CTHRC1: variants seen among roughly 807,000 people sequenced by gnomAD.
CTHRC1 encodes collagen triple helix repeat containing 1, also known as collagen triple helix repeat-containing protein 1.
Under a neutral mutation model 25.9 loss-of-function variants are expected in CTHRC1, and 21 were observed. The ratio of observed to expected loss-of-function variants is 0.81; its 90% CI spans 0.57 to 1.17. The LOEUF (loss-of-function observed/expected upper bound fraction) is 1.17, where lower values mean the gene tolerates loss of function less well. Among genes scored for constraint, CTHRC1 ranks in the 50% most tolerant of loss-of-function variants. CTHRC1 has a pLI of 0.00. For synonymous variants in CTHRC1, 109 were observed against 113.1 expected (o/e 0.96, Z 0.23); for missense variants, 281 against 304.3 (o/e 0.92, Z 0.57).
rs1815839297 is a variant in CTHRC1 at position 103,378,014 on chromosome 8, A to G, written c.373-13A>G. 5 of 1,590,016 alleles carry G rather than the reference A, an allele frequency of 3.1e-6. No individual in the cohort carries two copies. The African/African-American group carries it at 4.0e-5, about 13-fold the overall frequency. ...AAAATGTTAATTAAATCCCATTTCTATGTTTGTGACAGGAGTGTACATTTA... is the reference window on the plus strand; with the variant it reads ...AAAATGTTAATTAAATCCCATTTCTGTGTTTGTGACAGGAGTGTACATTTA... On this transcript the variant is annotated splice_polypyrimidine_tract_variant and intron_variant, in intron 2 of 3. Transcript: ENST00000330295.
At chr8:103,378,313 A>G (rs1383657564) in intron 3 of CTHRC1, 70 bp downstream of exon 3, 5 of 1,269,222 alleles carry the variant, frequency 3.9e-6, no homozygotes, top group Non-Finnish European at 4.5e-6. Flanking sequence ...TCCCACTATC[A>G]TGTTGGTTCA....
intron 3 of CTHRC1, among the ~76,000 whole-genome samples, chr8:103,378,832 G>A (rs1218494609): frequency 6.6e-6 from 1 of 151,958 alleles, no homozygotes; most frequent in Non-Finnish European, 1.5e-5. Context: ...CTGGGCAAGA[G>A]GGCGAAACCC....
intron 3 of CTHRC1, among the ~76,000 whole-genome samples, chr8:103,381,874 T>G (rs1370862925): frequency 6.6e-6 from 1 of 152,012 alleles, no homozygotes; most frequent in Non-Finnish European, 1.5e-5. Context: ...GGCAGGTGCC[T>G]GTAGTCCCAG....
chr8:103,372,364 C>A, intron 1 of CTHRC1: 1 of 1,196,540 alleles, frequency 8.4e-7, no homozygotes, highest in South Asian at 1.7e-5. Context: ...CACGTTGGGT[C>A]ATCTTCCTAG....
At chr8:103,374,938 T>C (rs1815777957) in intron 1 of CTHRC1, among the ~76,000 whole-genome samples, 1 of 152,204 alleles carries the variant, frequency 6.6e-6, no homozygotes, top group African/African-American at 2.4e-5. Flanking sequence ...AATCCATGCA[T>C]TTAAATGCTA....
At chr8:103,372,734 G>T in intron 1 of CTHRC1, 1 of 1,227,590 alleles carries the variant, frequency 8.1e-7, no homozygotes, top group South Asian at 1.3e-5. Flanking sequence ...CTGGCCTGTG[G>T]TATGAGGGAG....
intron 3 of CTHRC1, among the ~76,000 whole-genome samples, chr8:103,379,284 C>T (rs1815863028): frequency 6.6e-6 from 1 of 152,158 alleles, no homozygotes; most frequent in South Asian, 2.1e-4. Context: ...GGGTCTTGCT[C>T]TGTTGCTCAG....
intron 1 of CTHRC1, among the ~76,000 whole-genome samples, chr8:103,375,125 C>G (rs775841029): frequency 6.6e-6 from 1 of 152,036 alleles, no homozygotes; most frequent in Non-Finnish European, 1.5e-5. Context: ...ACTGCTTCCC[C>G]CACTTAAAAA....
At chr8:103,377,930 G>A (rs573348995) in intron 2 of CTHRC1, 97 bp from the exon 3 acceptor site, 27 of 1,050,238 alleles carry the variant, frequency 2.6e-5, no homozygotes, top group Admixed American at 1.7e-4. Context: ...ATACATTTTG[G>A]GGAAAAGGAT....
At chr8:103,372,178 A>G (rs1218449434) in intron 1 of CTHRC1, among the ~76,000 whole-genome samples, 2 of 152,106 alleles carry the variant, frequency 1.3e-5, no homozygotes, top group Non-Finnish European at 2.9e-5. Flanking sequence ...GAGCTTGGGT[A>G]CGTCCGAAGT....
intron 2 of CTHRC1, among the ~76,000 whole-genome samples, chr8:103,376,217 G>A (rs534728834): frequency 1.3e-5 from 2 of 152,246 alleles, no homozygotes; most frequent in South Asian, 2.1e-4. Context: ...AAACAAAAGA[G>A]AGCATATGTG....
At chr8:103,376,060 T>G in intron 2 of CTHRC1, 101 bp downstream of exon 2, 3 of 909,144 alleles carry the variant, frequency 3.3e-6, no homozygotes, top group Non-Finnish European at 5.3e-6. Flanking sequence ...CTAAAAGACT[T>G]AAAAAAGAGA....
intron 1 of CTHRC1, 53 bp from the exon 2 acceptor site, chr8:103,375,685 T>C: frequency 2.1e-6 from 3 of 1,438,484 alleles, no homozygotes; most frequent in Non-Finnish European, 2.9e-6. Flanking sequence ...TCATACTGAG[T>C]CTTTGACTCT....
Position 103,382,795 on chromosome 8 carries a change from A to AT in CTHRC1, c.*203dup, listed in dbSNP as rs758451999. The AT allele has an allele frequency of 2.5e-5, 15 of 595,650 alleles. No homozygotes were observed. The highest frequency in any genetic ancestry group is 3.7e-5 in the African/African-American group (2 of 54,038). 36.9% of individuals were successfully genotyped at this position (595,650 alleles called of 1,614,324 possible). ...TGCTTCAATCAAAAGTGGTTTCAAT[A>AT]TTTTTTTTAGTTGGTTAGAATACTT... On this transcript the variant is annotated 3_prime_UTR_variant, in exon 4 of 4. Coordinates refer to ENST00000330295, the MANE Select transcript of CTHRC1 (RefSeq NM_138455.4).
intron 2 of CTHRC1, among the ~76,000 whole-genome samples, chr8:103,376,240 A>G (rs997860319): frequency 3.9e-5 from 6 of 152,236 alleles, no homozygotes; most frequent in African/African-American, 1.4e-4. Context: ...TGTGTTGGAC[A>G]GTAAGCAACT....
At position 103,379,952 on chromosome 8, in the gene CTHRC1, G is replaced by A. The variant is rs529763698; in HGVS notation, c.589+1709G>A. On this transcript the variant is annotated intron_variant, in intron 3 of 3. Transcript: ENST00000330295. ...CAGGGAAATACAGCGTCTTACACGG[G>A]ACAGTAGAATCAGCGTTCAGGAGAG... is the stretch of plus-strand genomic sequence containing the variant. Among the ~76,000 whole-genome samples, 3 of 152,296 alleles carry A rather than the reference G, an allele frequency of 2.0e-5. No individual in the cohort carries two copies. In the South Asian group the frequency reaches 6.2e-4, roughly 32 times the overall value.
At chr8:103,376,346 A>C (rs7845210) in intron 2 of CTHRC1, among the ~76,000 whole-genome samples, 41,284 of 152,032 alleles carry the variant, frequency 0.27, 6,596 homozygotes, top group African/African-American at 0.43. Flanking sequence ...AGAAATTACC[A>C]CATTGATCTG....
At chr8:103,375,307 TA>T (rs529342664) in intron 1 of CTHRC1, among the ~76,000 whole-genome samples, 8 of 152,074 alleles carry the variant, frequency 5.3e-5, no homozygotes, top group Admixed American at 1.3e-4. Flanking sequence ...ATATTCATAA[TA>T]AAAAAAGTAG....
intron 1 of CTHRC1, among the ~76,000 whole-genome samples, chr8:103,373,195 C>T (rs1415930893): frequency 1.3e-5 from 2 of 152,216 alleles, no homozygotes; most frequent in Non-Finnish European, 2.9e-5. Flanking sequence ...TTTACAGTAC[C>T]TGTGGTTTCC....
Sources: gnomAD v4.1 joint callset for allele counts (sites outside exome capture counted in the v4.1 genomes callset) on GRCh38, gnomAD v4.1.1 for gene constraint, MANE v1.5 for transcripts, NCBI Gene and HGNC (gene_info 2026-07-23, HGNC 2026-07-21) for gene names.